Variants in USP17L7 observed in about 807,000 individuals in gnomAD.
USP17L7 encodes inactive ubiquitin carboxyl-terminal hydrolase 17-like protein 7.
A neutral mutation model predicts 37.6 loss-of-function variants in USP17L7; 53 were observed. The ratio of observed to expected loss-of-function variants is 1.41; its 90% CI spans 1.13 to 1.77. USP17L7 has a LOEUF of 1.77. Among genes scored for constraint, USP17L7 ranks in the 40% most tolerant of loss-of-function variants. The probability of loss-of-function intolerance (pLI) is 0.00; values close to 1 mark genes in which losing one functional copy is unlikely to be tolerated. For missense variants in USP17L7, 914 were observed against 645.0 expected, an observed-to-expected ratio of 1.42 and a Z score of -4.52; for synonymous variants, 330 against 251.0, an observed-to-expected ratio of 1.31 and a Z score of -2.98.
chr8:12,133,152 G>A lies in USP17L7; in HGVS notation c.858C>T (p.Val286=). 1 of 1,509,836 alleles carries A rather than the reference G, an allele frequency of 6.6e-7. No individual in the cohort carries two copies. The highest frequency in any genetic ancestry group is 9.0e-7 in the Non-Finnish European group (1 of 1,109,240). The allele number at this position is 1,509,836 out of a possible 1,614,324, so 93.5% of individuals were successfully genotyped here. The part of the protein sequence containing the change: ...LILVLKRFSD[V]TGNKLAKNVQ... The stretch of plus-strand genomic sequence containing the variant: ...CATTCTTGGCAAGTTTGTTGCCTGT[G>A]ACATCGGAGAATCTCTTCAATACAA... The change falls in exon 1 of 1, where the codon GTC becomes GTT. Residue 286 remains valine (V), a synonymous_variant. Transcript: ENST00000530447.
rs763933510 is a variant in USP17L7 at position 12,132,502 on chromosome 8, C to A, written c.1508G>T (p.Gly503Val). The change falls in exon 1 of 1, where the codon GGC (glycine) becomes GTC (valine). Residue 503 changes from glycine (G) to valine (V), a missense_variant. Gly to Val is a moderately radical substitution (Grantham distance 109). Coordinates refer to ENST00000530447, the MANE Select transcript of USP17L7 (RefSeq NM_001256869.2). ...KPTDQESMNTGTLASLQGSTR... is the reference protein window; with the variant it reads ...KPTDQESMNTVTLASLQGSTR... ...GCTCCCTTGCAGAGAAGCGAGTGTGCCAGTGTTCATGGACTCCTGATCTGT... is the reference window on the plus strand; with the variant it reads ...GCTCCCTTGCAGAGAAGCGAGTGTGACAGTGTTCATGGACTCCTGATCTGT... 5 of 1,474,972 alleles carry A rather than the reference C, an allele frequency of 3.4e-6. No homozygotes were observed. The African/African-American group carries it at 7.1e-5, about 21-fold the overall frequency. The allele number at this position is 1,474,972 out of a possible 1,614,324, so 91.4% of individuals were successfully genotyped here. A position where few individuals can be genotyped will look rare whatever the true frequency, so the allele number is the denominator to read the frequency against.
chr8:12,133,988 A>C lies in USP17L7; in HGVS notation c.22T>G (p.Leu8Val), dbSNP rs781537048. 2 of 1,099,362 alleles carry C rather than the reference A, an allele frequency of 1.8e-6. No homozygotes were observed. Among genetic ancestry groups the C allele is most frequent in the South Asian group, 1.4e-5 (1 of 71,842 alleles). The allele number at this position is 1,099,362 out of a possible 1,614,324, so 68.1% of individuals were successfully genotyped here. A position where few individuals can be genotyped will look rare whatever the true frequency, so the allele number is the denominator to read the frequency against. MEDDSLY[L>V]GGDWQFNHFS... ...TGATTGAACTGCCAGTCACCTCCCA[A>C]ATAGAGTGAGTCGTCTTCCATGTCG... is the stretch of plus-strand genomic sequence containing the variant. Residue 8 changes from leucine to valine, a missense_variant, in exon 1 of 1, where the codon TTG (leucine) becomes GTG (valine). Physicochemically the swap from Leu to Val is conservative, Grantham distance 32. Transcript: ENST00000530447.
At position 12,133,511 on chromosome 8, in the gene USP17L7, A is replaced by C; in HGVS notation, c.499T>G (p.Phe167Val). 2 of 1,475,286 alleles carry C rather than the reference A, an allele frequency of 1.4e-6. No individual in the cohort carries two copies. Among genetic ancestry groups the C allele is most frequent in the Non-Finnish European group, 1.9e-6 (2 of 1,080,582 alleles). The allele number at this position is 1,475,286 out of a possible 1,614,324, so 91.4% of individuals were successfully genotyped here. The change falls in exon 1 of 1, where the codon TTT becomes GTT. Residue 167 changes from phenylalanine to valine, a missense_variant. Phe to Val is a conservative substitution (Grantham distance 50). Coordinates refer to ENST00000530447, the MANE Select transcript of USP17L7 (RefSeq NM_001256869.2). The part of the protein sequence containing the change: ...EQEDAHEFLM[F>V]TVDAMKKACL... ...GCCTTTTTCATGGCATCCACAGTAA[A>C]CATGAGAAATTCATGGGCATCCTCC...
rs1366451592 is a variant in USP17L7 at position 12,133,733 on chromosome 8, C to T, written c.277G>A (p.Val93Ile). The change falls in exon 1 of 1, where the codon GTT (valine) becomes ATT (isoleucine). Residue 93 changes from valine to isoleucine, a missense_variant. Physicochemically the swap from Val to Ile is conservative, Grantham distance 29. Transcript: ENST00000530447. ...GTGTATGTCAGGCACTGCAGGGAAA[C>T]GTTCACATAGAAGGTATTTCCTATC... The part of the protein sequence containing the change: ...QKIGNTFYVN[V>I]SLQCLTYTLP... 27 of 1,373,298 alleles carry T rather than the reference C, an allele frequency of 2.0e-5. 2 individuals are homozygous for T. The highest frequency in any genetic ancestry group is 2.6e-4 in the Middle Eastern group (1 of 3,812). The allele number at this position is 1,373,298 out of a possible 1,614,324, so 85.1% of individuals were successfully genotyped here. A position where few individuals can be genotyped will look rare whatever the true frequency, so the allele number is the denominator to read the frequency against.
rs1802973642 is a variant in USP17L7, at chr8:12,132,757, G to A, written c.1253C>T (p.Pro418Leu). The stretch of plus-strand genomic sequence containing the variant: ...TTCCACCAAGTGCTCGTCCAACTCG[G>A]GTACCTGGAGGCAAGGGTGGTCTCT... ...LKRDHPCLQV[P>L]ELDEHLVERA... is the part of the protein sequence containing the mutation. Residue 418 changes from proline to leucine, a missense_variant, in exon 1 of 1, where the codon CCC becomes CTC. Coordinates refer to ENST00000530447, the MANE Select transcript of USP17L7 (RefSeq NM_001256869.2). 2 of 1,525,684 alleles carry A rather than the reference G, an allele frequency of 1.3e-6. No homozygotes were observed. The highest frequency in any genetic ancestry group is 1.8e-6 in the Non-Finnish European group (2 of 1,121,894). The allele number at this position is 1,525,684 out of a possible 1,614,324, so 94.5% of individuals were successfully genotyped here.
Position 12,132,825 on chromosome 8 carries a change from A to T in USP17L7, c.1185T>A (p.Gly395=), listed in dbSNP as rs200816630. ...TTGCTGGCCTGTCTGTGTCTTCAGC[A>T]CCAAGGGCTCTTGGTTCCCTGCCTC... is the stretch of plus-strand genomic sequence containing the variant. The part of the protein sequence containing the change: ...VSRGREPRAL[G]AEDTDRPATQ... Residue 395 remains glycine (G), a synonymous_variant, in exon 1 of 1, where the codon GGT becomes GGA. Transcript: ENST00000530447. The T allele has an allele frequency of 2.6e-6, 4 of 1,517,002 alleles. 1 individual carries two copies. The highest frequency in any genetic ancestry group is 3.6e-6 in the Non-Finnish European group (4 of 1,114,700). 94.0% of individuals were successfully genotyped at this position (1,517,002 alleles called of 1,614,324 possible).
In USP17L7 at chr8:12,132,945, A is replaced by G. The variant is rs1227278768; in HGVS notation, c.1065T>C (p.Thr355=). 6.5e-7 allele frequency: 1 copy of G among 1,530,590 alleles called. No individual in the cohort carries two copies. The highest frequency in any genetic ancestry group is 8.9e-7 in the Non-Finnish European group (1 of 1,125,980). The allele number at this position is 1,530,590 out of a possible 1,614,324, so 94.8% of individuals were successfully genotyped here. The change falls in exon 1 of 1, where the codon ACT becomes ACC. Residue 355 remains threonine, a synonymous_variant. Coordinates refer to ENST00000530447, the MANE Select transcript of USP17L7 (RefSeq NM_001256869.2). ...TCAGGACAGAGGTGATGCCAGAGGCAGTGACCTCGGCATCATCCATTTTAT... is the reference window on the plus strand; with the variant it reads ...TCAGGACAGAGGTGATGCCAGAGGCGGTGACCTCGGCATCATCCATTTTAT... The part of the protein sequence containing the change: ...QWYKMDDAEV[T]ASGITSVLSQ...
At position 12,133,509 on chromosome 8, in the gene USP17L7, A is replaced by G. The variant is rs546913965; in HGVS notation, c.501T>C (p.Phe167=). 78 of 1,474,192 alleles carry G rather than the reference A, an allele frequency of 5.3e-5. 13 individuals carry two copies. Among genetic ancestry groups the G allele is most frequent in the East Asian group, 2.6e-4 (10 of 38,326 alleles). 91.3% of individuals were successfully genotyped at this position (1,474,192 alleles called of 1,614,324 possible). A position where few individuals can be genotyped will look rare whatever the true frequency, so the allele number is the denominator to read the frequency against. ...EQEDAHEFLM[F]TVDAMKKACL... ...ATGCCTTTTTCATGGCATCCACAGTAAACATGAGAAATTCATGGGCATCCT... is the reference window on the plus strand; with the variant it reads ...ATGCCTTTTTCATGGCATCCACAGTGAACATGAGAAATTCATGGGCATCCT... The change falls in exon 1 of 1, where the codon TTT becomes TTC. Residue 167 remains phenylalanine (F), a synonymous_variant. Coordinates refer to ENST00000530447, the MANE Select transcript of USP17L7 (RefSeq NM_001256869.2).
Position 12,132,716 on chromosome 8 carries a change from T to C in USP17L7, c.1294A>G (p.Ser432Gly), listed in dbSNP as rs755306820. 3 of 1,543,974 alleles carry C rather than the reference T, an allele frequency of 1.9e-6. No individual in the cohort carries two copies. Among genetic ancestry groups the C allele is most frequent in the African/African-American group, 1.4e-5 (1 of 72,256 alleles). Residue 432 changes from serine to glycine, a missense_variant, in exon 1 of 1, where the codon AGC (serine) becomes GGC (glycine). By Grantham distance (56) the Ser-to-Gly change is moderately conservative. Transcript: ENST00000530447. ...EHLVERATQE[S>G]TLDHWKFPQE... ...GGGAATTTCCAGTGGTCTAAGGTGC[T>C]TTCCTGAGTGGCTCTTTCCACCAAG...
chr8:12,132,831 G>C lies in USP17L7; in HGVS notation c.1179C>G (p.Ala393=). The C allele has an allele frequency of 6.6e-7, 1 of 1,517,286 alleles. No individual in the cohort carries two copies. The highest frequency in any genetic ancestry group is 9.0e-7 in the Non-Finnish European group (1 of 1,114,482). The allele number at this position is 1,517,286 out of a possible 1,614,324, so 94.0% of individuals were successfully genotyped here. A position where few individuals can be genotyped will look rare whatever the true frequency, so the allele number is the denominator to read the frequency against. Residue 393 remains alanine (A), a synonymous_variant, in exon 1 of 1, where the codon GCC becomes GCG. Coordinates refer to ENST00000530447, the MANE Select transcript of USP17L7 (RefSeq NM_001256869.2). ...ESVSRGREPR[A]LGAEDTDRPA... is the part of the protein sequence containing the mutation. ...GCCTGTCTGTGTCTTCAGCACCAAG[G>C]GCTCTTGGTTCCCTGCCTCTTGACA...
rs1357921648 is a variant in USP17L7 at position 12,133,890 on chromosome 8, C to G, written c.120G>C (p.Lys40Asn). ...AACGGGTCTCAGATGAGAGTGGTGA[C>G]TTTTCAGAGAGAGAAGTCCGCTGGA... ...AEIQRTSLSE[K>N]SPLSSETRFD... The change falls in exon 1 of 1, where the codon AAG becomes AAC. Residue 40 changes from lysine to asparagine, a missense_variant. Lys to Asn is a moderately conservative substitution (Grantham distance 94). Transcript: ENST00000530447. The G allele has an allele frequency of 2.0e-6, 3 of 1,497,926 alleles. No individual in the cohort carries two copies. Among genetic ancestry groups the G allele is most frequent in the African/African-American group, 1.4e-5 (1 of 71,308 alleles). 92.8% of individuals were successfully genotyped at this position (1,497,926 alleles called of 1,614,324 possible). A position where few individuals can be genotyped will look rare whatever the true frequency, so the allele number is the denominator to read the frequency against.
At position 12,132,821 on chromosome 8, in the gene USP17L7, C is replaced by G; in HGVS notation, c.1189G>C (p.Glu397Gln). 1 of 1,521,342 alleles carries G rather than the reference C, an allele frequency of 6.6e-7. No individual in the cohort carries two copies. Among genetic ancestry groups the G allele is most frequent in the Non-Finnish European group, 8.9e-7 (1 of 1,117,970 alleles). 94.2% of individuals were successfully genotyped at this position (1,521,342 alleles called of 1,614,324 possible). ...TGCGTTGCTGGCCTGTCTGTGTCTTCAGCACCAAGGGCTCTTGGTTCCCTG... is the reference window on the plus strand; with the variant it reads ...TGCGTTGCTGGCCTGTCTGTGTCTTGAGCACCAAGGGCTCTTGGTTCCCTG... ...RGREPRALGAEDTDRPATQGE... is the reference protein window; with the variant it reads ...RGREPRALGAQDTDRPATQGE... The change falls in exon 1 of 1, where the codon GAA becomes CAA. Residue 397 changes from glutamate to glutamine, a missense_variant. Glu to Gln is a conservative substitution (Grantham distance 29). Transcript: ENST00000530447.
rs768757290 is a variant in USP17L7, at chr8:12,133,995, T to C, written c.15A>G (p.Ser5=). 1.9e-6 allele frequency: 2 copies of C among 1,072,000 alleles called. No individual in the cohort carries two copies. The highest frequency in any genetic ancestry group is 3.1e-5 in the African/African-American group (2 of 64,282). The allele number at this position is 1,072,000 out of a possible 1,614,324, so 66.4% of individuals were successfully genotyped here. The change falls in exon 1 of 1, where the codon TCA becomes TCG. Residue 5 remains serine (S), a synonymous_variant. Coordinates refer to ENST00000530447, the MANE Select transcript of USP17L7 (RefSeq NM_001256869.2). ...ACTGCCAGTCACCTCCCAAATAGAGTGAGTCGTCTTCCATGTCGCCCGCAA... is the reference window on the plus strand; with the variant it reads ...ACTGCCAGTCACCTCCCAAATAGAGCGAGTCGTCTTCCATGTCGCCCGCAA... MEDD[S]LYLGGDWQFN... is the part of the protein sequence containing the mutation.
rs771863135 is a variant in USP17L7 at position 12,133,066 on chromosome 8, A to G, written c.944T>C (p.Leu315Pro). The change falls in exon 1 of 1, where the codon CTT becomes CCT. Residue 315 changes from leucine (L) to proline (P), a missense_variant. Leu to Pro is a moderately conservative substitution (Grantham distance 98). Transcript: ENST00000530447. ...PYMSQQNTGP[L>P]VYVLYAVLVH... is the part of the protein sequence containing the mutation. ...CAGCACAGCATAGAGGACATAGACAAGAGGTCCTGTGTTCTGCTGAGACAT... is the reference window on the plus strand; with the variant it reads ...CAGCACAGCATAGAGGACATAGACAGGAGGTCCTGTGTTCTGCTGAGACAT... 2.6e-5 allele frequency: 39 copies of G among 1,503,774 alleles called. 4 individuals carry two copies. Among genetic ancestry groups the G allele is most frequent in the Non-Finnish European group, 1.8e-6 (2 of 1,103,764 alleles). 93.2% of individuals were successfully genotyped at this position (1,503,774 alleles called of 1,614,324 possible).
Position 12,132,809 on chromosome 8 carries a change from T to A in USP17L7, c.1201A>T (p.Arg401Trp). Residue 401 changes from arginine to tryptophan, a missense_variant, in exon 1 of 1, where the codon AGG becomes TGG. By Grantham distance (101) the Arg-to-Trp change is moderately radical. Transcript: ENST00000530447. ...TTGAGCTCTCCTTGCGTTGCTGGCC[T>A]GTCTGTGTCTTCAGCACCAAGGGCT... Reference protein sequence around the residue: ...PRALGAEDTDRPATQGELKRD... With the variant: ...PRALGAEDTDWPATQGELKRD... The A allele has an allele frequency of 6.6e-7, 1 of 1,519,146 alleles. No homozygotes were observed. Among genetic ancestry groups the A allele is most frequent in the Non-Finnish European group, 9.0e-7 (1 of 1,116,020 alleles). The allele number at this position is 1,519,146 out of a possible 1,614,324, so 94.1% of individuals were successfully genotyped here.
At position 12,133,906 on chromosome 8, in the gene USP17L7, G is replaced by T. The variant is rs140155563; in HGVS notation, c.104C>A (p.Thr35Asn). The T allele has an allele frequency of 1.2e-5, 18 of 1,473,816 alleles. No individual in the cohort carries two copies. The highest frequency in any genetic ancestry group is 1.7e-5 in the Non-Finnish European group (18 of 1,078,172). 91.3% of individuals were successfully genotyped at this position (1,473,816 alleles called of 1,614,324 possible). A position where few individuals can be genotyped will look rare whatever the true frequency, so the allele number is the denominator to read the frequency against. Residue 35 changes from threonine (T) to asparagine (N), a missense_variant, in exon 1 of 1, where the codon ACT becomes AAT. Coordinates refer to ENST00000530447, the MANE Select transcript of USP17L7 (RefSeq NM_001256869.2). The stretch of plus-strand genomic sequence containing the variant: ...GAGTGGTGACTTTTCAGAGAGAGAA[G>T]TCCGCTGGATTTCAGCAAAAGCTGC... Reference protein sequence around the residue: ...LDAAFAEIQRTSLSEKSPLSS... With the variant: ...LDAAFAEIQRNSLSEKSPLSS...
In USP17L7 at chr8:12,132,769, C is replaced by A; in HGVS notation, c.1241G>T (p.Cys414Phe). 6 of 1,523,506 alleles carry A rather than the reference C, an allele frequency of 3.9e-6. No individual in the cohort carries two copies. Among genetic ancestry groups the A allele is most frequent in the Non-Finnish European group, 5.4e-6 (6 of 1,119,814 alleles). 94.4% of individuals were successfully genotyped at this position (1,523,506 alleles called of 1,614,324 possible). A position where few individuals can be genotyped will look rare whatever the true frequency, so the allele number is the denominator to read the frequency against. The change falls in exon 1 of 1, where the codon TGC becomes TTC. Residue 414 changes from cysteine to phenylalanine, a missense_variant. Physicochemically the swap from Cys to Phe is radical, Grantham distance 205 (BLOSUM62 -2). Coordinates refer to ENST00000530447, the MANE Select transcript of USP17L7 (RefSeq NM_001256869.2). ...TQGELKRDHPCLQVPELDEHL... is the reference protein window; with the variant it reads ...TQGELKRDHPFLQVPELDEHL... The stretch of plus-strand genomic sequence containing the variant: ...CTCGTCCAACTCGGGTACCTGGAGG[C>A]AAGGGTGGTCTCTCTTGAGCTCTCC...
chr8:12,132,853 G>C lies in USP17L7; in HGVS notation c.1157C>G (p.Ser386Ter), dbSNP rs777482158. The C allele has an allele frequency of 6.7e-7, 1 of 1,501,468 alleles. No individual in the cohort carries two copies. The highest frequency in any genetic ancestry group is 1.8e-5 in the Admixed American group (1 of 57,054). The allele number at this position is 1,501,468 out of a possible 1,614,324, so 93.0% of individuals were successfully genotyped here. A position where few individuals can be genotyped will look rare whatever the true frequency, so the allele number is the denominator to read the frequency against. ...AAGGGCTCTTGGTTCCCTGCCTCTTGACACACTCTCACTGTGTCTTTCCCA... is the reference window on the plus strand; with the variant it reads ...AAGGGCTCTTGGTTCCCTGCCTCTTCACACACTCTCACTGTGTCTTTCCCA... Reference protein sequence around the residue: ...SEWERHSESVSRGREPRALGA... With the variant: ...SEWERHSESV Residue 386 changes from serine to a stop codon, truncating the protein, a stop_gained, in exon 1 of 1, where the codon TCA (serine) becomes TGA (stop). Transcript: ENST00000530447. LOFTEE classifies it high-confidence loss of function.
At position 12,133,469 on chromosome 8, in the gene USP17L7, T is replaced by A; in HGVS notation, c.541A>T (p.Lys181Ter). 1 of 1,476,408 alleles carries A rather than the reference T, an allele frequency of 6.8e-7. No individual in the cohort carries two copies. The highest frequency in any genetic ancestry group is 9.2e-7 in the Non-Finnish European group (1 of 1,083,704). 91.5% of individuals were successfully genotyped at this position (1,476,408 alleles called of 1,614,324 possible). The change falls in exon 1 of 1, where the codon AAG (lysine) becomes TAG (stop). Residue 181 changes from lysine (K) to a stop codon, truncating the protein, a stop_gained. Transcript: ENST00000530447. LOFTEE classifies it high-confidence loss of function. ...TCCTTGGAGTGATGATCTAGCTGCTTGTGCCCGGGAAGGCATGCCTTTTTC... is the reference window on the plus strand; with the variant it reads ...TCCTTGGAGTGATGATCTAGCTGCTAGTGCCCGGGAAGGCATGCCTTTTTC... Reference protein sequence around the residue: ...AMKKACLPGHKQLDHHSKDTT... With the variant: ...AMKKACLPGH
Sources: allele counts gnomAD v4.1 joint callset, GRCh38; gene constraint gnomAD v4.1.1; transcripts MANE v1.5; gene names NCBI Gene and HGNC (gene_info 2026-07-23, HGNC 2026-07-21).